Variants in KIAA1217 observed in about 807,000 individuals in gnomAD.
The protein encoded by KIAA1217 is sickle tail protein homolog.
KIAA1217 carries 88 observed loss-of-function variants against 163.9 expected under a neutral mutation model. The observed-to-expected ratio is 0.54, with a 90% CI of 0.45 to 0.64. The LOEUF (loss-of-function observed/expected upper bound fraction) is 0.64. Among genes scored for constraint, KIAA1217 ranks in the 30% least tolerant of loss-of-function variants. The pLI, the probability that KIAA1217 is intolerant of heterozygous loss-of-function variation, is 0.00. For synonymous variants in KIAA1217, 903 were observed against 923.1 expected (o/e 0.98, Z 0.39); for missense variants, 2,372 against 2,475.0 (o/e 0.96, Z 0.88).
intron 4 of KIAA1217, 95 bp downstream of exon 4, chr10:24,433,288 A>G (rs879192966): frequency 1.2e-6 from 1 of 856,554 alleles, no homozygotes; most frequent in Non-Finnish European, 1.8e-6. Flanking sequence ...TTTACCCACT[A>G]TATTGCATTT....
intron 1 of KIAA1217, among the ~76,000 whole-genome samples, chr10:23,805,784 C>T (rs1283927013): frequency 1.3e-5 from 2 of 151,684 alleles, no homozygotes; most frequent in African/African-American, 2.4e-5. Flanking sequence ...GAGGCCGAGG[C>T]GGGTGGGTCC....
At chr10:24,081,434 T>A (rs1300201041) in intron 2 of KIAA1217, among the ~76,000 whole-genome samples, 1 of 152,112 alleles carries the variant, frequency 6.6e-6, no homozygotes, top group Non-Finnish European at 1.5e-5. Flanking sequence ...GCACAGCAGT[T>A]GACCTGACCC....
At chr10:23,847,064 C>G (rs944498861) in intron 1 of KIAA1217, among the ~76,000 whole-genome samples, 2 of 152,148 alleles carry the variant, frequency 1.3e-5, no homozygotes, top group African/African-American at 2.4e-5. Flanking sequence ...TTGAACCACC[C>G]TTGCCTCCCA....
At chr10:24,397,692 C>T (rs759849197) in intron 3 of KIAA1217, among the ~76,000 whole-genome samples, 8 of 152,158 alleles carry the variant, frequency 5.3e-5, no homozygotes, top group Non-Finnish European at 8.8e-5. Context: ...CTTATGAGAG[C>T]AGTGACTATA....
At chr10:23,986,904 A>C (rs1845993731) in intron 1 of KIAA1217, among the ~76,000 whole-genome samples, 1 of 152,200 alleles carries the variant, frequency 6.6e-6, no homozygotes, top group African/African-American at 2.4e-5. Flanking sequence ...GTATGTATGA[A>C]TACAACGGTT....
chr10:23,938,434 G>C (rs191059486), intron 1 of KIAA1217, among the ~76,000 whole-genome samples: 1 of 151,814 alleles, frequency 6.6e-6, no homozygotes, highest in African/African-American at 2.4e-5. Flanking sequence ...TATACACCGA[G>C]ACCTCTATGT....
At chr10:24,202,016 C>T (rs1451010209) in intron 2 of KIAA1217, among the ~76,000 whole-genome samples, 1 of 152,162 alleles carries the variant, frequency 6.6e-6, no homozygotes, top group Non-Finnish European at 1.5e-5. Flanking sequence ...GGCAGGCGGC[C>T]CAGCCCCGGG....
chr10:24,452,208 A>C (rs2061424455), intron 5 of KIAA1217, among the ~76,000 whole-genome samples: 2 of 152,172 alleles, frequency 1.3e-5, no homozygotes, highest in Admixed American at 6.5e-5. Flanking sequence ...TGTGGTTTGC[A>C]GAAGTCATAG....
intron 6 of KIAA1217, among the ~76,000 whole-genome samples, chr10:24,478,241 TG>T (rs1184994742): frequency 3.9e-5 from 6 of 152,326 alleles, no homozygotes; most frequent in African/African-American, 1.4e-4. Context: ...AGACATCCAG[TG>T]GTAGCTTTTT....
intron 1 of KIAA1217, among the ~76,000 whole-genome samples, chr10:23,971,197 A>G (rs1360688473): frequency 6.6e-6 from 1 of 152,080 alleles, no homozygotes; most frequent in Non-Finnish European, 1.5e-5. Flanking sequence ...ATGAGGTTGT[A>G]CACATGCTCT....
chr10:24,172,638 A>G (rs1252046075), intron 2 of KIAA1217, among the ~76,000 whole-genome samples: 1 of 152,202 alleles, frequency 6.6e-6, no homozygotes, highest in African/African-American at 2.4e-5. Context: ...AGCACATCAT[A>G]AGACTATATA....
intron 2 of KIAA1217, among the ~76,000 whole-genome samples, chr10:24,379,932 A>G (rs923217096): frequency 6.6e-6 from 1 of 152,104 alleles, no homozygotes; most frequent in Non-Finnish European, 1.5e-5. Flanking sequence ...CATGCCTGTA[A>G]TCCCAGCTAC....
At chr10:24,523,405 C>T (rs562009102) in intron 12 of KIAA1217, among the ~76,000 whole-genome samples, 5 of 152,040 alleles carry the variant, frequency 3.3e-5, no homozygotes, top group African/African-American at 1.2e-4. Context: ...CTCTAAGAAT[C>T]TAAGGGATTG....
chr10:24,313,926 A>G (rs12257461), intron 2 of KIAA1217, among the ~76,000 whole-genome samples: 18,526 of 136,640 alleles, frequency 0.14, 1,918 homozygotes, highest in African/African-American at 0.31. Flanking sequence ...TGCAACTTCC[A>G]CCTCCCGGGC....
At chr10:23,903,147 A>C (rs777246015) in intron 1 of KIAA1217, among the ~76,000 whole-genome samples, 2 of 152,108 alleles carry the variant, frequency 1.3e-5, no homozygotes, top group African/African-American at 2.4e-5. Context: ...GAAGATAAGG[A>C]AATCCCTCCT....
At chr10:24,458,686 G>T (rs1281696905) in intron 5 of KIAA1217, among the ~76,000 whole-genome samples, 1 of 152,164 alleles carries the variant, frequency 6.6e-6, no homozygotes, top group Non-Finnish European at 1.5e-5. Context: ...TATCTAATGG[G>T]AATGAGATGA....
At chr10:24,369,536 A>T (rs2134446295) in intron 2 of KIAA1217, among the ~76,000 whole-genome samples, 1 of 152,260 alleles carries the variant, frequency 6.6e-6, no homozygotes, top group South Asian at 2.1e-4. Flanking sequence ...AATGCAATTA[A>T]GTTTTAGGGG....
intron 1 of KIAA1217, among the ~76,000 whole-genome samples, chr10:23,988,134 G>A (rs4748922): frequency 0.029 from 4,332 of 151,748 alleles, 168 homozygotes; most frequent in East Asian, 0.13. Flanking sequence ...GCCATCTGTC[G>A]CAGGGGCTAG....
chr10:23,717,234 T>C (rs1417934079), intron 1 of KIAA1217, among the ~76,000 whole-genome samples: 1 of 152,184 alleles, frequency 6.6e-6, no homozygotes, highest in Admixed American at 6.6e-5. Flanking sequence ...CCTGTGCTTA[T>C]GTATTTTTAA....
Sources: allele counts gnomAD v4.1 joint callset (sites outside exome capture counted in the v4.1 genomes callset), GRCh38; gene constraint gnomAD v4.1.1; transcripts MANE v1.5; gene names NCBI Gene and HGNC (gene_info 2026-07-23, HGNC 2026-07-21).